The following MEX3B variants were observed in gnomAD, a reference collection of about 807,000 sequenced individuals.
The protein encoded by MEX3B is mex-3 RNA binding family member B.
Under a neutral mutation model 12.2 loss-of-function variants are expected in MEX3B, and 10 were observed. That is an observed-to-expected ratio of 0.82 (90% CI 0.51 to 1.40). MEX3B has a LOEUF of 1.40. Ranked by LOEUF, MEX3B falls within the 40% of genes most tolerant of loss-of-function variation. MEX3B has a pLI of 0.00. For missense variants in MEX3B, 839 were observed against 801.4 expected, an observed-to-expected ratio of 1.05 and a Z score of -0.57; for synonymous variants, 498 against 356.3, an observed-to-expected ratio of 1.40 and a Z score of -4.48.
rs779354371 is a variant in MEX3B, at chr15:82,043,322, G to A, written c.1548C>T (p.Arg516=). Residue 516 remains arginine (R), a synonymous_variant, in exon 2 of 2, where the codon CGC becomes CGT. Coordinates refer to ENST00000329713, the MANE Select transcript of MEX3B (RefSeq NM_032246.6). ...CGCTCTCGAAGCACACGGAGCAGTCGCGGCTGCCTTTACGCCGAAGCCCGG... is the reference window on the plus strand; with the variant it reads ...CGCTCTCGAAGCACACGGAGCAGTCACGGCTGCCTTTACGCCGAAGCCCGG... ...SSSGLRRKGS[R]DCSVCFESEV... The A allele has an allele frequency of 2.5e-6, 4 of 1,607,384 alleles. No individual in the cohort carries two copies. The highest frequency in any genetic ancestry group is 1.1e-5 in the South Asian group (1 of 89,978).
rs553800007 is a variant in MEX3B at position 82,042,743 on chromosome 15, C to T, written c.*417G>A. The T allele has an allele frequency of 6.5e-6, 1 of 154,766 alleles. No homozygotes were observed. The highest frequency in any genetic ancestry group is 1.4e-5 in the Non-Finnish European group (1 of 69,768). The allele number at this position is 154,766 out of a possible 1,614,324, so 9.6% of individuals were successfully genotyped here. On this transcript the variant is annotated 3_prime_UTR_variant, in exon 2 of 2. Transcript: ENST00000329713. ...ACAGTCCACACATCCCATAGCACTA[C>T]TATCATCTTCATCATAATTATTACT...
In MEX3B at chr15:82,043,382, C is replaced by T. The variant is rs1156851186; in HGVS notation, c.1488G>A (p.Ser496=). The T allele has an allele frequency of 2.5e-6, 4 of 1,586,872 alleles. No individual in the cohort carries two copies. Among genetic ancestry groups the T allele is most frequent in the Non-Finnish European group, 3.4e-6 (4 of 1,166,854 alleles). The change falls in exon 2 of 2, where the codon TCG becomes TCA. Residue 496 remains serine (S), a synonymous_variant. Transcript: ENST00000329713. ...ATGAAGAGCTGGAGGAGGAGCTGGA[C>T]GAAGAGGAGGAGCCCGACGTGTCCG... The part of the protein sequence containing the change: ...QPSDTSGSSS[S]SSSSSSSSSS...
chr15:82,044,815 G>A lies in MEX3B; in HGVS notation c.257-202C>T. 1.6e-6 allele frequency: 1 copy of A among 618,828 alleles called. No individual in the cohort carries two copies. Among genetic ancestry groups the A allele is most frequent in the Non-Finnish European group, 2.9e-6 (1 of 349,956 alleles). 38.3% of individuals were successfully genotyped at this position (618,828 alleles called of 1,614,324 possible). ...AGCGGATCCCACCCGCGAGGCGCTC[G>A]AGGAACAGCCCATTGGCTGCCTGGC... On this transcript the variant is annotated intron_variant, in intron 1 of 1. Transcript: ENST00000329713. This position sits in a 1 kb window ranked among gnomAD's most constrained non-coding sequence, Gnocchi z 5.3.
At chr15:82,045,199 T>TG in intron 1 of MEX3B, 1 of 628,818 alleles carries the variant, frequency 1.6e-6, no homozygotes, top group South Asian at 1.8e-5. Flanking sequence ...GTGGGCTGGT[T>TG]GGGGGGCGTT....
In MEX3B at chr15:82,045,504, C is replaced by G; in HGVS notation, c.202G>C (p.Glu68Gln). 1 of 1,612,772 alleles carries G rather than the reference C, an allele frequency of 6.2e-7. No individual in the cohort carries two copies. Among genetic ancestry groups the G allele is most frequent in the Non-Finnish European group, 8.5e-7 (1 of 1,179,868 alleles). ...EPRKKSVNMT[E>Q]CVPVPSSEHV... Reference sequence around the variant, plus strand: ...TCAGAACTGGGTACTGGCACGCACTCGGTCATGTTCACGCTCTTCTTGCGC... The same window carrying G: ...TCAGAACTGGGTACTGGCACGCACTGGGTCATGTTCACGCTCTTCTTGCGC... The change falls in exon 1 of 2, where the codon GAG becomes CAG. Residue 68 changes from glutamate to glutamine, a missense_variant. Coordinates refer to ENST00000329713, the MANE Select transcript of MEX3B (RefSeq NM_032246.6).
At position 82,044,647 on chromosome 15, in the gene MEX3B, A is replaced by G. The variant is rs2073245158; in HGVS notation, c.257-34T>C. On this transcript the variant is annotated intron_variant, in intron 1 of 1. Coordinates refer to ENST00000329713, the MANE Select transcript of MEX3B (RefSeq NM_032246.6). This position sits in a 1 kb window ranked among gnomAD's most constrained non-coding sequence, Gnocchi z 5.3. ...CAGGGTGCGGAGGAGGGAGTGGGAG[A>G]GAGAGACAGACACGCCCATTATCCT... 6.2e-7 allele frequency: 1 copy of G among 1,607,472 alleles called. No individual in the cohort carries two copies. Among genetic ancestry groups the G allele is most frequent in the African/African-American group, 1.3e-5 (1 of 74,768 alleles).
chr15:82,044,127 A>C lies in MEX3B; in HGVS notation c.743T>G (p.Val248Gly), dbSNP rs1195234566. 5.6e-6 allele frequency: 9 copies of C among 1,613,426 alleles called. No individual in the cohort carries two copies. Among genetic ancestry groups the C allele is most frequent in the Non-Finnish European group, 7.6e-6 (9 of 1,180,014 alleles). Residue 248 changes from valine to glycine, a missense_variant, in exon 2 of 2, where the codon GTG (valine) becomes GGG (glycine). Coordinates refer to ENST00000329713, the MANE Select transcript of MEX3B (RefSeq NM_032246.6). This position sits in a 1 kb window ranked among gnomAD's most constrained non-coding sequence, Gnocchi z 5.3. The part of the protein sequence containing the change: ...ENDFHANGTD[V>G]GFDLHHGSGG... The stretch of plus-strand genomic sequence containing the variant: ...GGACCCATGATGCAGATCGAAGCCC[A>C]CATCGGTGCCGTTGGCGTGGAAGTC...
rs2073224687 is a variant in MEX3B, at chr15:82,042,348, TTG to T, written c.*810_*811del. 6.6e-6 allele frequency: 1 copy of T among 152,634 alleles called. No individual in the cohort carries two copies. The highest frequency in any genetic ancestry group is 2.4e-5 in the African/African-American group (1 of 41,452). 9.5% of individuals were successfully genotyped at this position (152,634 alleles called of 1,614,324 possible). ...TTTTATGGTTGTAATTCCGTCACAA[TTG>T]TGTGATTATTAAAATAATACAGTGT... is the stretch of plus-strand genomic sequence containing the variant. On this transcript the variant is annotated 3_prime_UTR_variant, in exon 2 of 2. Coordinates refer to ENST00000329713, the MANE Select transcript of MEX3B (RefSeq NM_032246.6).
In MEX3B at chr15:82,043,221, C is replaced by A; in HGVS notation, c.1649G>T (p.Ser550Ile). The stretch of plus-strand genomic sequence containing the variant: ...GTGGCAGACCGGGCACTCGGGCTCG[C>A]TCTTCTCACAGATGCGATTGGCGCA... ...MECANRICEK[S>I]EPECPVCHTA... The change falls in exon 2 of 2, where the codon AGC becomes ATC. Residue 550 changes from serine (S) to isoleucine (I), a missense_variant. Ser to Ile is a moderately radical substitution (Grantham distance 142, BLOSUM62 -2). Around this residue, in one of 3 missense-constraint regions of MEX3B, gnomAD observed 573 missense variants for 488.9 expected, o/e 1.17. Coordinates refer to ENST00000329713, the MANE Select transcript of MEX3B (RefSeq NM_032246.6). 1 of 1,584,268 alleles carries A rather than the reference C, an allele frequency of 6.3e-7. No homozygotes were observed. Among genetic ancestry groups the A allele is most frequent in the Non-Finnish European group, 8.6e-7 (1 of 1,165,712 alleles).
In MEX3B at chr15:82,043,085, G is replaced by T; in HGVS notation, c.*75C>A. 9 of 1,309,092 alleles carry T rather than the reference G, an allele frequency of 6.9e-6. No homozygotes were observed. The highest frequency in any genetic ancestry group is 8.9e-6 in the Non-Finnish European group (9 of 1,013,222). 81.1% of individuals were successfully genotyped at this position (1,309,092 alleles called of 1,614,324 possible). On this transcript the variant is annotated 3_prime_UTR_variant, in exon 2 of 2. Coordinates refer to ENST00000329713, the MANE Select transcript of MEX3B (RefSeq NM_032246.6). Reference sequence around the variant, plus strand: ...AGGGGGGGCACCCAGGGAGGCAGGCGAGCGCTGGGGAAAGAGGGTGGGGAG... The same window carrying T: ...AGGGGGGGCACCCAGGGAGGCAGGCTAGCGCTGGGGAAAGAGGGTGGGGAG...
chr15:82,044,144 G>A lies in MEX3B; in HGVS notation c.726C>T (p.His242=), dbSNP rs574300871. 5.0e-6 allele frequency: 8 copies of A among 1,613,694 alleles called. No homozygotes were observed. The highest frequency in any genetic ancestry group is 2.2e-5 in the South Asian group (2 of 91,084). The change falls in exon 2 of 2, where the codon CAC becomes CAT. Residue 242 remains histidine, a synonymous_variant. Transcript: ENST00000329713. This position sits in a 1 kb window ranked among gnomAD's most constrained non-coding sequence, Gnocchi z 5.3. Reference sequence around the variant, plus strand: ...CGAAGCCCACATCGGTGCCGTTGGCGTGGAAGTCGTTCTCGTCTGTGAGCT... The same window carrying A: ...CGAAGCCCACATCGGTGCCGTTGGCATGGAAGTCGTTCTCGTCTGTGAGCT... ...IIELTDENDF[H]ANGTDVGFDL... is the part of the protein sequence containing the mutation.
At position 82,042,552 on chromosome 15, in the gene MEX3B, A is replaced by C. The variant is rs1160064983; in HGVS notation, c.*608T>G. 6.6e-6 allele frequency: 1 copy of C among 152,628 alleles called. No individual in the cohort carries two copies. Among genetic ancestry groups the C allele is most frequent in the Admixed American group, 6.5e-5 (1 of 15,292 alleles). 9.5% of individuals were successfully genotyped at this position (152,628 alleles called of 1,614,324 possible). Reference sequence around the variant, plus strand: ...TGCAATTTCTCTTTAAAACTTTTAAACGTTTTTAATATATAAGAGATATGT... The same window carrying C: ...TGCAATTTCTCTTTAAAACTTTTAACCGTTTTTAATATATAAGAGATATGT... On this transcript the variant is annotated 3_prime_UTR_variant, in exon 2 of 2. Transcript: ENST00000329713.
chr15:82,044,024 A>G lies in MEX3B; in HGVS notation c.846T>C (p.Ser282=), dbSNP rs1022515704. 1 of 1,606,720 alleles carries G rather than the reference A, an allele frequency of 6.2e-7. No homozygotes were observed. Among genetic ancestry groups the G allele is most frequent in the African/African-American group, 1.3e-5 (1 of 74,346 alleles). The stretch of plus-strand genomic sequence containing the variant: ...AGCTGGAGCTGTCGTTGCGGTAGCT[A>G]GAGAAAGGCTTGCGGCCGGGGGTGG... The part of the protein sequence containing the change: ...ITPTPGRKPF[S]SYRNDSSSSL... Residue 282 remains serine (S), a synonymous_variant, in exon 2 of 2, where the codon TCT becomes TCC. Coordinates refer to ENST00000329713, the MANE Select transcript of MEX3B (RefSeq NM_032246.6). The surrounding 1 kb of genome is among the most constrained non-coding windows in gnomAD (Gnocchi z 5.3).
In MEX3B at chr15:82,042,194, G is replaced by T. The variant is rs1272992746; in HGVS notation, c.*966C>A. ...GACATGTTTATACATTTCCGTTTTT[G>T]TAATAATATAGAATAAAATATGCTT... On this transcript the variant is annotated 3_prime_UTR_variant, in exon 2 of 2. Transcript: ENST00000329713. The T allele has an allele frequency of 1.3e-5, 2 of 152,550 alleles. No individual in the cohort carries two copies. The highest frequency in any genetic ancestry group is 3.8e-4 in the East Asian group (2 of 5,202). The allele number at this position is 152,550 out of a possible 1,614,324, so 9.4% of individuals were successfully genotyped here.
At position 82,042,993 on chromosome 15, in the gene MEX3B, G is replaced by A. The variant is rs1171429740; in HGVS notation, c.*167C>T. 1 of 485,082 alleles carries A rather than the reference G, an allele frequency of 2.1e-6. No homozygotes were observed. The highest frequency in any genetic ancestry group is 3.4e-6 in the Non-Finnish European group (1 of 298,136). 30.0% of individuals were successfully genotyped at this position (485,082 alleles called of 1,614,324 possible). On this transcript the variant is annotated 3_prime_UTR_variant, in exon 2 of 2. Transcript: ENST00000329713. ...AAAAATTAAATTTTAAAAATGAGCG[G>A]ATACTACAGCTTTCCAAGCTCCTCT...
In MEX3B at chr15:82,045,645, TGCCGCC is replaced by T. The variant is rs560390686; in HGVS notation, c.55_60del (p.Gly19_Gly20del). On this transcript the variant is annotated inframe_deletion, in exon 1 of 2. Coordinates refer to ENST00000329713, the MANE Select transcript of MEX3B (RefSeq NM_032246.6). ...TCCAGGGTCTCTCCCCCTCCGCTGC[TGCCGCC>T]GCCGCCGCCGCCGCTGCCGTTGCGC... 7.0e-6 allele frequency: 11 copies of T among 1,575,678 alleles called. No individual in the cohort carries two copies. The highest frequency in any genetic ancestry group is 4.1e-5 in the African/African-American group (3 of 74,012).
Position 82,045,925 on chromosome 15 carries a change from C to T in MEX3B, c.-220G>A, listed in dbSNP as rs982442937. 6.3e-5 allele frequency: 28 copies of T among 442,096 alleles called. No individual in the cohort carries two copies. Among genetic ancestry groups the T allele is most frequent in the Middle Eastern group, 6.0e-4 (1 of 1,678 alleles). The allele number at this position is 442,096 out of a possible 1,614,324, so 27.4% of individuals were successfully genotyped here. ...CCCCCACCTGGGTCCCCACCCCAGACCTGCTGGCGGGTGGGGTGGGGGCAG... is the reference window on the plus strand; with the variant it reads ...CCCCCACCTGGGTCCCCACCCCAGATCTGCTGGCGGGTGGGGTGGGGGCAG... On this transcript the variant is annotated 5_prime_UTR_variant, in exon 1 of 2. Coordinates refer to ENST00000329713, the MANE Select transcript of MEX3B (RefSeq NM_032246.6).
rs1477527866 is a variant in MEX3B, at chr15:82,045,715, G to T, written c.-10C>A. 1 of 1,336,824 alleles carries T rather than the reference G, an allele frequency of 7.5e-7. No homozygotes were observed. The highest frequency in any genetic ancestry group is 3.1e-5 in the East Asian group (1 of 32,524). 82.8% of individuals were successfully genotyped at this position (1,336,824 alleles called of 1,614,324 possible). A position where few individuals can be genotyped will look rare whatever the true frequency, so the allele number is the denominator to read the frequency against. The stretch of plus-strand genomic sequence containing the variant: ...ACAGCGAGCTGGGCATCGCTCGGCC[G>T]TGCGCGCCGCGCCCCCGCCGGCCCT... On this transcript the variant is annotated 5_prime_UTR_variant, in exon 1 of 2. Transcript: ENST00000329713.
At position 82,043,035 on chromosome 15, in the gene MEX3B, G is replaced by T; in HGVS notation, c.*125C>A. On this transcript the variant is annotated 3_prime_UTR_variant, in exon 2 of 2. Coordinates refer to ENST00000329713, the MANE Select transcript of MEX3B (RefSeq NM_032246.6). ...AGCTCCTCTCGGATCTCAGAGTGTT[G>T]GTGGGGCCGGGAAGGAGAAGGGAGA... 1 of 726,900 alleles carries T rather than the reference G, an allele frequency of 1.4e-6. No homozygotes were observed. The highest frequency in any genetic ancestry group is 2.0e-6 in the Non-Finnish European group (1 of 506,268). The allele number at this position is 726,900 out of a possible 1,614,324, so 45.0% of individuals were successfully genotyped here.
Sources: gnomAD v4.1 joint callset for allele counts on GRCh38, gnomAD v4.1.1 for gene constraint, gnomAD v4.1.1 regional missense constraint, Gnocchi (gnomAD v3.1) non-coding constraint, MANE v1.5 for transcripts, NCBI Gene and HGNC (gene_info 2026-07-23, HGNC 2026-07-21) for gene names.